The following NRXN1 variants were observed in gnomAD, a reference collection of about 807,000 sequenced individuals.
The protein encoded by NRXN1 is neurexin 1.
In NRXN1, 39 loss-of-function variants were observed where a neutral mutation model predicts 150.9. The observed-to-expected ratio is 0.26, with a 90% CI of 0.20 to 0.34. The LOEUF (loss-of-function observed/expected upper bound fraction) is 0.34. NRXN1 is among the 10% of genes least tolerant of loss of function. The pLI is 1.00. For missense variants in NRXN1, 1,815 were observed against 1,949.9 expected (o/e 0.93, Z 1.30); for synonymous variants, 924 against 757.0 (o/e 1.22, Z -3.62).
intron 21 of NRXN1, among the ~76,000 whole-genome samples, chr2:50,029,575 G>A (rs1265668573): frequency 1.3e-5 from 2 of 152,078 alleles, no homozygotes; most frequent in Non-Finnish European, 2.9e-5. Flanking sequence ...CTAAGGAAAG[G>A]CCATGTGGAC....
intron 9 of NRXN1, among the ~76,000 whole-genome samples, chr2:50,550,031 G>T (rs1046994767): frequency 6.6e-6 from 1 of 151,982 alleles, no homozygotes; most frequent in African/African-American, 2.4e-5. Context: ...ATTTTCAAAT[G>T]AATAATGAAT....
intron 5 of NRXN1, among the ~76,000 whole-genome samples, chr2:50,688,886 C>A (rs1376926562): frequency 6.6e-6 from 1 of 152,154 alleles, no homozygotes; most frequent in Non-Finnish European, 1.5e-5. Flanking sequence ...TGCTTTCTAA[C>A]AAGGTGTTGT....
intron 5 of NRXN1, among the ~76,000 whole-genome samples, chr2:50,811,049 T>C (rs1015117754): frequency 2.0e-5 from 3 of 152,176 alleles, no homozygotes; most frequent in Admixed American, 6.5e-5. Context: ...GGGGGACAGA[T>C]AACCTAAAAG....
intron 2 of NRXN1, among the ~76,000 whole-genome samples, chr2:50,961,498 C>T (rs1222229387): frequency 6.6e-6 from 1 of 151,566 alleles, no homozygotes; most frequent in African/African-American, 2.4e-5. Context: ...TTGTCTTCCA[C>T]AACAACAACA....
chr2:50,553,915 G>A (rs1033149504), intron 8 of NRXN1, among the ~76,000 whole-genome samples: 9 of 152,070 alleles, frequency 5.9e-5, no homozygotes, highest in Non-Finnish European at 1.0e-4. Flanking sequence ...ATCCCTTCAC[G>A]CTAATAAATT....
intron 21 of NRXN1, among the ~76,000 whole-genome samples, chr2:50,001,560 C>A (rs1244876081): frequency 6.6e-6 from 1 of 152,072 alleles, no homozygotes; most frequent in Non-Finnish European, 1.5e-5. Flanking sequence ...TCTGCTGCTG[C>A]CCAGCTGCGT....
At chr2:50,099,716 A>T (rs1231451627) in intron 18 of NRXN1, among the ~76,000 whole-genome samples, 1 of 152,162 alleles carries the variant, frequency 6.6e-6, no homozygotes, top group Non-Finnish European at 1.5e-5. Context: ...TAGAGGATAC[A>T]TTTTTAATGA....
At chr2:50,912,757 T>G (rs1303186573) in intron 5 of NRXN1, 2 of 143,812 alleles carry the variant, frequency 1.4e-5, no homozygotes, top group Non-Finnish European at 3.0e-5. Flanking sequence ...GGGAATAACA[T>G]GCTTAAAGTA....
chr2:50,742,536 A>G (rs1275363771), intron 5 of NRXN1, among the ~76,000 whole-genome samples: 2 of 147,914 alleles, frequency 1.4e-5, no homozygotes, highest in African/African-American at 5.0e-5. Flanking sequence ...TGAGCCCGGG[A>G]GGCGGAGGTT....
At chr2:50,014,432 G>T (rs1157215795) in intron 21 of NRXN1, among the ~76,000 whole-genome samples, 1 of 151,966 alleles carries the variant, frequency 6.6e-6, no homozygotes, top group Non-Finnish European at 1.5e-5. Flanking sequence ...TCTTACTTGT[G>T]GGGGACTGAC....
At chr2:50,695,941 CA>C (rs1387699482) in intron 5 of NRXN1, among the ~76,000 whole-genome samples, 1 of 148,344 alleles carries the variant, frequency 6.7e-6, no homozygotes, top group East Asian at 2.0e-4. Flanking sequence ...CCTCCAGCTT[CA>C]AGCGATTCTT....
At chr2:50,360,999 G>A (rs2079149572) in intron 17 of NRXN1, among the ~76,000 whole-genome samples, 1 of 152,156 alleles carries the variant, frequency 6.6e-6, no homozygotes, top group South Asian at 2.1e-4. Flanking sequence ...TGAACAACCT[G>A]CTCCTGAATG....
At chr2:50,585,607 C>T (rs1446137128) in intron 8 of NRXN1, among the ~76,000 whole-genome samples, 2 of 152,024 alleles carry the variant, frequency 1.3e-5, no homozygotes, top group South Asian at 4.2e-4. Context: ...AGTACTTTAC[C>T]TAATACTTGG....
intron 19 of NRXN1, among the ~76,000 whole-genome samples, chr2:50,072,595 G>T: frequency 7.1e-6 from 1 of 140,152 alleles, no homozygotes; most frequent in Non-Finnish European, 1.5e-5. Context: ...TTGCTAAATA[G>T]TCATGGCAAA....
At position 50,458,020 on chromosome 2, in the gene NRXN1, G is replaced by C. The variant is rs79603016; in HGVS notation, c.3364+7422C>G. On this transcript the variant is annotated intron_variant, in intron 17 of 22. Transcript: ENST00000401669. ...AGAAAGGAAATCAGTATATCGAAGA[G>C]ATAATTGCATTCCCATGTTTACTGC... Among the ~76,000 whole-genome samples the C allele has an allele frequency of 2.4e-3, 370 of 152,252 alleles. 4 individuals carry two copies. Among genetic ancestry groups the C allele is most frequent in the African/African-American group, 8.4e-3 (349 of 41,558 alleles).
chr2:50,261,832 G>A (rs891992437), intron 17 of NRXN1, among the ~76,000 whole-genome samples: 2 of 151,900 alleles, frequency 1.3e-5, no homozygotes, highest in African/African-American at 4.8e-5. Context: ...GATTGCAAAT[G>A]TGGAAGTTCT....
chr2:50,194,540 G>A (rs1386689711), intron 18 of NRXN1, among the ~76,000 whole-genome samples: 2 of 152,050 alleles, frequency 1.3e-5, no homozygotes, highest in Non-Finnish European at 2.9e-5. Context: ...CGTATTAGCT[G>A]TTACAATTCA....
chr2:50,354,554 C>CATACAT (rs1553484596), intron 17 of NRXN1, among the ~76,000 whole-genome samples: 1 of 100,132 alleles, frequency 1.0e-5, no homozygotes, highest in Non-Finnish European at 2.0e-5. Flanking sequence ...AGAGTGCATA[C>CATACAT]ATATATATAT....
At chr2:50,075,417 T>C (rs1472740639) in intron 19 of NRXN1, among the ~76,000 whole-genome samples, 1 of 152,168 alleles carries the variant, frequency 6.6e-6, no homozygotes, top group Non-Finnish European at 1.5e-5. Flanking sequence ...AAGCCTTAGA[T>C]CATTAAAATA....
Sources: gnomAD v4.1 joint callset for allele counts (sites outside exome capture counted in the v4.1 genomes callset) on GRCh38, gnomAD v4.1.1 for gene constraint, MANE v1.5 for transcripts, NCBI Gene and HGNC (gene_info 2026-07-23, HGNC 2026-07-21) for gene names.